Variants in CHD5 observed in about 807,000 individuals in gnomAD.
CHD5 encodes the protein ATP-dependent chromatin remodeler CHD5.
In CHD5, 69 loss-of-function variants were observed where a neutral mutation model predicts 230.3. The observed-to-expected ratio is 0.30, with a 90% confidence interval of 0.25 to 0.37. CHD5 has a LOEUF of 0.37. Among genes scored for constraint, CHD5 ranks in the 10% least tolerant of loss-of-function variants. The pLI is 1.00. For synonymous variants in CHD5, 1,064 were observed against 1,065.9 expected (o/e 1.00, Z 0.03); for missense variants, 1,827 against 2,622.8 (o/e 0.70, Z 6.63).
In CHD5 at chr1:6,146,741, C is replaced by G. The variant is rs758797269; in HGVS notation, c.1514G>C (p.Gly505Ala). The G allele has an allele frequency of 3.7e-6, 6 of 1,612,736 alleles. No individual in the cohort carries two copies. The highest frequency in any genetic ancestry group is 5.1e-6 in the Non-Finnish European group (6 of 1,179,446). ...GACAAAGAACTCTCTCTCAGGGATG[C>G]CCTCCAGGGGCTTAGGTGGAGGGAG... ...PSLPPPKPLE[G>A]IPEREFFVKW... Residue 505 changes from glycine (G) to alanine (A), a missense_variant, in exon 10 of 42, where the codon GGC (glycine) becomes GCC (alanine). Gly to Ala is a moderately conservative substitution (Grantham distance 60). Around this residue, in one of 14 missense-constraint regions of CHD5, gnomAD observed 657 missense variants for 816.4 expected, o/e 0.80. Coordinates refer to ENST00000262450, the MANE Select transcript of CHD5 (RefSeq NM_015557.3). The surrounding 1 kb of genome is among the most constrained non-coding windows in gnomAD (Gnocchi z 5.1).
At chr1:6,151,345 G>A (rs1166176710) in intron 6 of CHD5, among the ~76,000 whole-genome samples, 190 bp from the exon 7 acceptor site, 1 of 152,112 alleles carries the variant, frequency 6.6e-6, no homozygotes, top group South Asian at 2.1e-4. Flanking sequence ...ATGTCCCACC[G>A]CCTACCCAGA....
chr1:6,117,011 CTCA>C (rs1666388372), intron 33 of CHD5, among the ~76,000 whole-genome samples: 1 of 152,130 alleles, frequency 6.6e-6, no homozygotes, highest in Non-Finnish European at 1.5e-5. Flanking sequence ...ATCTAAAGTC[CTCA>C]TATTACTCAG....
intron 36 of CHD5, among the ~76,000 whole-genome samples, chr1:6,110,813 C>G (rs1208027191): frequency 2.0e-5 from 3 of 152,192 alleles, no homozygotes; most frequent in Non-Finnish European, 2.9e-5. Context: ...AGTCTTGCCC[C>G]CAGTGCCTGT....
In CHD5 at chr1:6,159,657, C is replaced by T; in HGVS notation, c.208-142G>A. On this transcript the variant is annotated intron_variant, in intron 2 of 41. Coordinates refer to ENST00000262450, the MANE Select transcript of CHD5 (RefSeq NM_015557.3). The stretch of plus-strand genomic sequence containing the variant: ...CATCACTCCACTCATCATCAGAGGC[C>T]ACTGCTCACAGCTCAGCCCCAAAGC... The T allele has an allele frequency of 7.2e-6, 5 of 695,082 alleles. No homozygotes were observed. The South Asian group carries it at 7.7e-5, about 11-fold the overall frequency. 43.1% of individuals were successfully genotyped at this position (695,082 alleles called of 1,614,324 possible).
intron 2 of CHD5, among the ~76,000 whole-genome samples, chr1:6,163,262 C>T (rs1303384932): frequency 2.6e-5 from 4 of 152,208 alleles, no homozygotes; most frequent in Non-Finnish European, 5.9e-5. Flanking sequence ...GAAGCAGGTG[C>T]ACTTCTCTCC....
At position 6,175,294 on chromosome 1, in the gene CHD5, G is replaced by A. The variant is rs567533773; in HGVS notation, c.79+4651C>T. ...TGGATGGATGCATGGATGGATGGTG[G>A]ATGGATGAATGAATGGATGGTGGAT... is the stretch of plus-strand genomic sequence containing the variant. On this transcript the variant is annotated intron_variant, in intron 1 of 41. Transcript: ENST00000262450. Among the ~76,000 whole-genome samples, 39 of 151,528 alleles carry A rather than the reference G, an allele frequency of 2.6e-4. No homozygotes were observed. In the South Asian group the frequency reaches 7.6e-3, roughly 29 times the overall value.
Position 6,128,304 on chromosome 1 carries a change from C to A in CHD5, c.3731-86G>T. ...CAGGAACAGACTCCCAACAATGGCC[C>A]TTCCCATCCCCAGCAGGGGCTGCAG... On this transcript the variant is annotated intron_variant, in intron 24 of 41. Coordinates refer to ENST00000262450, the MANE Select transcript of CHD5 (RefSeq NM_015557.3). This position sits in a 1 kb window ranked among gnomAD's most constrained non-coding sequence, Gnocchi z 7.8. The A allele has an allele frequency of 7.2e-7, 1 of 1,391,168 alleles. No homozygotes were observed. The highest frequency in any genetic ancestry group is 1.9e-5 in the Admixed American group (1 of 53,550). 86.2% of individuals were successfully genotyped at this position (1,391,168 alleles called of 1,614,324 possible).
intron 20 of CHD5, among the ~76,000 whole-genome samples, chr1:6,132,833 G>A (rs1471314683): frequency 2.0e-5 from 3 of 151,370 alleles, no homozygotes; most frequent in Non-Finnish European, 4.4e-5. Context: ...CATTTTTGAG[G>A]ATCCTAAACA....
Position 6,142,138 on chromosome 1 carries a change from A to G in CHD5, c.2426T>C (p.Phe809Ser). Residue 809 changes from phenylalanine to serine, a missense_variant, in exon 15 of 42, where the codon TTC becomes TCC. Physicochemically the swap from Phe to Ser is radical, Grantham distance 155 (BLOSUM62 -2). This residue lies in a region of CHD5 where 80 missense variants were observed against 96.4 expected (regional missense o/e 0.83). Transcript: ENST00000262450. This position sits in a 1 kb window ranked among gnomAD's most constrained non-coding sequence, Gnocchi z 5.2. ...DNAIRSGKKV[F>S]RMKKEVQIKF... ...ATAGCGAGCCCTCACCTTCATACGG[A>G]ATACCTTCTTCCCACTCCGAATGGC... is the stretch of plus-strand genomic sequence containing the variant. The G allele has an allele frequency of 6.2e-7, 1 of 1,613,964 alleles. No homozygotes were observed. Among genetic ancestry groups the G allele is most frequent in the Non-Finnish European group, 8.5e-7 (1 of 1,179,892 alleles).
In CHD5 at chr1:6,104,604, C is replaced by T. The variant is rs1363092521; in HGVS notation, c.*870G>A. On this transcript the variant is annotated 3_prime_UTR_variant, in exon 42 of 42. Transcript: ENST00000262450. ...AGGCAAACCCAACGCAGCAGTGGCTCCGAGGCAAGTGCTGCCCCCCCCCCA... is the reference window on the plus strand; with the variant it reads ...AGGCAAACCCAACGCAGCAGTGGCTTCGAGGCAAGTGCTGCCCCCCCCCCA... The T allele has an allele frequency of 3.3e-5, 5 of 152,474 alleles. No individual in the cohort carries two copies. The highest frequency in any genetic ancestry group is 5.9e-5 in the Non-Finnish European group (4 of 68,322). 9.4% of individuals were successfully genotyped at this position (152,474 alleles called of 1,614,324 possible). A position where few individuals can be genotyped will look rare whatever the true frequency, so the allele number is the denominator to read the frequency against.
chr1:6,135,348 T>G lies in CHD5; in HGVS notation c.2752A>C (p.Lys918Gln). The G allele has an allele frequency of 6.2e-7, 1 of 1,614,122 alleles. No individual in the cohort carries two copies. Among genetic ancestry groups the G allele is most frequent in the Non-Finnish European group, 8.5e-7 (1 of 1,180,022 alleles). ...GGCCCCAGCAGGTCATGCAGCTTCTTGATCTGGTCTTCCTTGGAGATGTCA... is the reference window on the plus strand; with the variant it reads ...GGCCCCAGCAGGTCATGCAGCTTCTGGATCTGGTCTTCCTTGGAGATGTCA... ...FADISKEDQI[K>Q]KLHDLLGPHM... Residue 918 changes from lysine to glutamine, a missense_variant, in exon 18 of 42, where the codon AAG becomes CAG. Lys to Gln is a moderately conservative substitution (Grantham distance 53). Coordinates refer to ENST00000262450, the MANE Select transcript of CHD5 (RefSeq NM_015557.3).
intron 38 of CHD5, among the ~76,000 whole-genome samples, 159 bp from the exon 39 acceptor site, chr1:6,106,938 G>A (rs1666182704): frequency 9.3e-6 from 1 of 107,980 alleles, no homozygotes; most frequent in Admixed American, 8.7e-5. Context: ...GTGGAGGGGT[G>A]GAGGGATGGA....
chr1:6,128,762 C>G lies in CHD5; in HGVS notation c.3619+76G>C, dbSNP rs1666604862. The G allele has an allele frequency of 2.2e-6, 3 of 1,374,454 alleles. No individual in the cohort carries two copies. The highest frequency in any genetic ancestry group is 1.4e-5 in the African/African-American group (1 of 70,228). 85.1% of individuals were successfully genotyped at this position (1,374,454 alleles called of 1,614,324 possible). On this transcript the variant is annotated intron_variant, in intron 23 of 41. Coordinates refer to ENST00000262450, the MANE Select transcript of CHD5 (RefSeq NM_015557.3). This position sits in a 1 kb window ranked among gnomAD's most constrained non-coding sequence, Gnocchi z 7.8. Reference sequence around the variant, plus strand: ...GCTGTGTGTTGGAGCGGGCAGGGACCCAAGCAAGCCCTGGATGGGTGTCTC... The same window carrying G: ...GCTGTGTGTTGGAGCGGGCAGGGACGCAAGCAAGCCCTGGATGGGTGTCTC...
chr1:6,110,261 C>T, intron 37 of CHD5, 133 bp downstream of exon 37: 6 of 1,060,550 alleles, frequency 5.7e-6, no homozygotes, highest in Non-Finnish European at 8.4e-6. Context: ...GATGGACATA[C>T]TGCTGCTTCG....
chr1:6,122,204 A>G (rs1320036821), intron 31 of CHD5, among the ~76,000 whole-genome samples: 1 of 152,212 alleles, frequency 6.6e-6, no homozygotes, highest in African/African-American at 2.4e-5. Flanking sequence ...ACCATGGGAT[A>G]GCTATGTCCG....
chr1:6,151,621 C>T (rs1416947283), intron 6 of CHD5, among the ~76,000 whole-genome samples: 4 of 152,244 alleles, frequency 2.6e-5, no homozygotes, highest in East Asian at 1.9e-4. Context: ...TACAGGACCA[C>T]GGCCCACTGT....
Position 6,125,906 on chromosome 1 carries a change from GC to G in CHD5, c.4079-49del. 6.9e-7 allele frequency: 1 copy of G among 1,452,238 alleles called. No homozygotes were observed. 90.0% of individuals were successfully genotyped at this position (1,452,238 alleles called of 1,614,324 possible). A position where few individuals can be genotyped will look rare whatever the true frequency, so the allele number is the denominator to read the frequency against. ...GCACGGAGTGAGCTGTACAAGCAAA[GC>G]CCACCCTCAAGTTCAAGCATGCCCA... On this transcript the variant is annotated intron_variant, in intron 26 of 41. Coordinates refer to ENST00000262450, the MANE Select transcript of CHD5 (RefSeq NM_015557.3). This position sits in a 1 kb window ranked among gnomAD's most constrained non-coding sequence, Gnocchi z 6.7.
intron 20 of CHD5, among the ~76,000 whole-genome samples, chr1:6,132,861 T>C (rs1166782817): frequency 6.6e-6 from 1 of 151,404 alleles, no homozygotes; most frequent in African/African-American, 2.4e-5. Flanking sequence ...GTAAAGTCTT[T>C]TCAGGCTATC....
intron 34 of CHD5, among the ~76,000 whole-genome samples, chr1:6,112,614 C>A (rs1666311220): frequency 6.6e-6 from 1 of 152,204 alleles, no homozygotes. Context: ...ATTCCAGGGC[C>A]TAGAGGTATG....
Sources: gnomAD v4.1 joint callset for allele counts (sites outside exome capture counted in the v4.1 genomes callset) on GRCh38, gnomAD v4.1.1 for gene constraint, gnomAD v4.1.1 regional missense constraint, Gnocchi (gnomAD v3.1) non-coding constraint, MANE v1.5 for transcripts, NCBI Gene and HGNC (gene_info 2026-07-23, HGNC 2026-07-21) for gene names.